Variants in CADPS2 observed in about 807,000 individuals in gnomAD.
CADPS2 encodes the protein calcium-dependent secretion activator 2.
In CADPS2, 93 loss-of-function variants were observed where a neutral mutation model predicts 172.5. That is an observed-to-expected ratio of 0.54 (90% CI 0.46 to 0.64). CADPS2 has a LOEUF of 0.64. CADPS2 is among the 30% of genes least tolerant of loss of function. The pLI is 0.00. For missense variants in CADPS2, 1,420 were observed against 1,565.9 expected, an observed-to-expected ratio of 0.91 and a Z score of 1.57; for synonymous variants, 546 against 555.2, an observed-to-expected ratio of 0.98 and a Z score of 0.23.
At chr7:122,534,923 T>G (rs2062100763) in intron 8 of CADPS2, among the ~76,000 whole-genome samples, 1 of 152,094 alleles carries the variant, frequency 6.6e-6, no homozygotes, top group Non-Finnish European at 1.5e-5. Context: ...TGGGGAGGGA[T>G]GTTTCTATAA....
intron 3 of CADPS2, among the ~76,000 whole-genome samples, chr7:122,631,838 G>T (rs1230498493): frequency 6.6e-6 from 1 of 151,948 alleles, no homozygotes; most frequent in Non-Finnish European, 1.5e-5. Context: ...TAGTTTTTCA[G>T]CCCACATTTC....
chr7:122,702,410 T>C (rs779577054), intron 2 of CADPS2: 17 of 1,613,692 alleles, frequency 1.1e-5, no homozygotes, highest in Non-Finnish European at 1.4e-5. Context: ...GTTGATTTTA[T>C]GTGTAAAAGT....
At chr7:122,701,833 T>C in intron 2 of CADPS2, 1 of 1,568,336 alleles carries the variant, frequency 6.4e-7, no homozygotes, top group East Asian at 2.2e-5. Context: ...TCCAGATTTC[T>C]TAAGTTTTCA....
chr7:122,438,395 C>G lies in CADPS2; in HGVS notation c.2422G>C (p.Glu808Gln), dbSNP rs752506653. 1 of 1,613,158 alleles carries G rather than the reference C, an allele frequency of 6.2e-7. No individual in the cohort carries two copies. The highest frequency in any genetic ancestry group is 8.5e-7 in the Non-Finnish European group (1 of 1,179,394). ...EVKKVVRKCLEKAALINYTRL... is the reference protein window; with the variant it reads ...EVKKVVRKCLQKAALINYTRL... ...GTGTAATTGATCAAGGCAGCTTTCTCGAGACATTTTCTGACCACTTTCTTC... is the reference window on the plus strand; with the variant it reads ...GTGTAATTGATCAAGGCAGCTTTCTGGAGACATTTTCTGACCACTTTCTTC... Residue 808 changes from glutamate (E) to glutamine (Q), a missense_variant, in exon 17 of 30, where the codon GAG becomes CAG. By Grantham distance (29) the Glu-to-Gln change is conservative. Coordinates refer to ENST00000449022, the MANE Select transcript of CADPS2 (RefSeq NM_017954.11).
chr7:122,512,948 T>G (rs1011579590), intron 9 of CADPS2, among the ~76,000 whole-genome samples: 1 of 152,138 alleles, frequency 6.6e-6, no homozygotes, highest in Non-Finnish European at 1.5e-5. Context: ...TATCTGATAT[T>G]GCAAAAAATT....
intron 25 of CADPS2, among the ~76,000 whole-genome samples, chr7:122,363,306 A>T (rs2040424852): frequency 6.6e-6 from 1 of 152,166 alleles, no homozygotes. Context: ...GACAGCGGCA[A>T]TTGCTATGGT....
chr7:122,665,895 C>A (rs142236879), intron 2 of CADPS2, among the ~76,000 whole-genome samples: 3 of 152,244 alleles, frequency 2.0e-5, no homozygotes, highest in African/African-American at 4.8e-5. Context: ...CAAATTAATT[C>A]TTAAGTGACA....
intron 8 of CADPS2, among the ~76,000 whole-genome samples, chr7:122,546,352 G>C (rs1355375018): frequency 6.6e-6 from 1 of 152,128 alleles, no homozygotes; most frequent in Non-Finnish European, 1.5e-5. Context: ...ATATAGAGAG[G>C]AGTAGGAATA....
chr7:122,636,717 C>T (rs2402618), intron 3 of CADPS2, among the ~76,000 whole-genome samples: 84,363 of 151,922 alleles, frequency 0.56, 23,594 homozygotes, highest in East Asian at 0.72. Context: ...CCGCCTGCCT[C>T]GGTATCCCAA....
intron 7 of CADPS2, among the ~76,000 whole-genome samples, chr7:122,580,452 C>A (rs75026593): frequency 4.1e-4 from 55 of 133,368 alleles, no homozygotes; most frequent in South Asian, 9.8e-4. Flanking sequence ...GATTCTGTCT[C>A]AAAAAAAAAA....
At chr7:122,506,988 A>T (rs904325462) in intron 9 of CADPS2, among the ~76,000 whole-genome samples, 1 of 152,192 alleles carries the variant, frequency 6.6e-6, no homozygotes, top group Non-Finnish European at 1.5e-5. Context: ...GCAGTGTTTA[A>T]AATTCCACAG....
At chr7:122,637,138 C>T (rs1172029713) in intron 3 of CADPS2, among the ~76,000 whole-genome samples, 1 of 123,422 alleles carries the variant, frequency 8.1e-6, no homozygotes, top group African/African-American at 3.1e-5. Flanking sequence ...GACTATTCTG[C>T]TGTAATGCTT....
At chr7:122,403,771 T>G (rs1052084261) in intron 20 of CADPS2, among the ~76,000 whole-genome samples, 15 of 152,160 alleles carry the variant, frequency 9.9e-5, no homozygotes, top group Admixed American at 2.6e-4. Flanking sequence ...TAATTCATTG[T>G]AGATAAGTAA....
At position 122,562,292 on chromosome 7, in the gene CADPS2, A is replaced by G. The variant is rs192756403; in HGVS notation, c.1336-7603T>C. On this transcript the variant is annotated intron_variant, in intron 7 of 29. Coordinates refer to ENST00000449022, the MANE Select transcript of CADPS2 (RefSeq NM_017954.11). ...CACCTATCCAGGTGGGCCCAATACA[A>G]TCACAAGGGTTCTGAAACACGGCAG... Among the ~76,000 whole-genome samples, 50 of 152,316 alleles carry G rather than the reference A, an allele frequency of 3.3e-4. 1 individual carries two copies. In the East Asian group the frequency reaches 5.0e-3, roughly 15 times the overall value.
chr7:122,875,720 T>A (rs894269721), intron 1 of CADPS2, among the ~76,000 whole-genome samples: 15 of 152,126 alleles, frequency 9.9e-5, no homozygotes, highest in African/African-American at 3.1e-4. Context: ...AGGAAAAAAG[T>A]AAAATCTGAA....
chr7:122,606,083 C>A (rs1312907801), intron 6 of CADPS2, among the ~76,000 whole-genome samples: 2 of 152,140 alleles, frequency 1.3e-5, no homozygotes, highest in African/African-American at 4.8e-5. Context: ...AAGTAAAATA[C>A]AAGCCATCTA....
chr7:122,860,455 A>G (rs1474943028), intron 1 of CADPS2, among the ~76,000 whole-genome samples: 1 of 151,942 alleles, frequency 6.6e-6, no homozygotes, highest in Non-Finnish European at 1.5e-5. Context: ...GGCTTGTCTC[A>G]AACTCCTGGC....
At position 122,531,893 on chromosome 7, in the gene CADPS2, T is replaced by C. The variant is rs1233525947; in HGVS notation, c.1476-18578A>G. Reference sequence around the variant, plus strand: ...TAAAAATACAAAAATTAGCTGGGTGTGGTGACAGGTGCCTGTAATCCCAGC... The same window carrying C: ...TAAAAATACAAAAATTAGCTGGGTGCGGTGACAGGTGCCTGTAATCCCAGC... On this transcript the variant is annotated intron_variant, in intron 8 of 29. Transcript: ENST00000449022. Among the ~76,000 whole-genome samples the C allele has an allele frequency of 3.3e-5, 5 of 151,998 alleles. No homozygotes were observed. In the East Asian group the frequency reaches 9.7e-4, roughly 29 times the overall value.
Position 122,886,118 on chromosome 7 carries a change from G to C in CADPS2, c.220C>G (p.Gln74Glu). The C allele has an allele frequency of 6.4e-7, 1 of 1,563,206 alleles. No homozygotes were observed. Among genetic ancestry groups the C allele is most frequent in the South Asian group, 1.2e-5 (1 of 84,922 alleles). The change falls in exon 1 of 30, where the codon CAG (glutamine) becomes GAG (glutamate). Residue 74 changes from glutamine to glutamate, a missense_variant. Transcript: ENST00000449022. Reference sequence around the variant, plus strand: ...CTCCGCTCCTGCTCATCGTCCAGCTGCCGCTGGGGCTCGTCTCGCCCCTCG... The same window carrying C: ...CTCCGCTCCTGCTCATCGTCCAGCTCCCGCTGGGGCTCGTCTCGCCCCTCG... ...LSEGRDEPQR[Q>E]LDDEQERRIR...
Sources: gnomAD v4.1 joint callset for allele counts (sites outside exome capture counted in the v4.1 genomes callset) on GRCh38, gnomAD v4.1.1 for gene constraint, MANE v1.5 for transcripts, NCBI Gene and HGNC (gene_info 2026-07-23, HGNC 2026-07-21) for gene names.